Variants in CDH13 observed in about 807,000 individuals in gnomAD.
CDH13 encodes the protein cadherin 13.
In CDH13, 24 loss-of-function variants were observed where a neutral mutation model predicts 63.8. That is an observed-to-expected ratio of 0.38 (90% CI 0.27 to 0.53). The LOEUF is 0.53. Ranked by LOEUF, CDH13 falls within the 20% of genes least tolerant of loss-of-function variation. The pLI is 0.85. For synonymous variants in CDH13, 503 were observed against 355.3 expected, an observed-to-expected ratio of 1.42 and a Z score of -4.67; for missense variants, 1,049 against 903.1, an observed-to-expected ratio of 1.16 and a Z score of -2.07.
At chr16:83,701,639 T>C (rs766048117) in intron 10 of CDH13, among the ~76,000 whole-genome samples, 9 of 152,186 alleles carry the variant, frequency 5.9e-5, no homozygotes, top group Admixed American at 2.0e-4. Flanking sequence ...TGCTAGGGTT[T>C]CTACCCTGAC....
intron 6 of CDH13, among the ~76,000 whole-genome samples, chr16:83,380,675 G>A (rs983841602): frequency 2.0e-5 from 3 of 152,088 alleles, no homozygotes; most frequent in Non-Finnish European, 2.9e-5. Flanking sequence ...GTGGCTGATT[G>A]GAGCTCCAGC....
chr16:83,605,612 C>T (rs1908254393), intron 8 of CDH13, among the ~76,000 whole-genome samples: 1 of 152,080 alleles, frequency 6.6e-6, no homozygotes, highest in African/African-American at 2.4e-5. Flanking sequence ...GTGCCTGTCG[C>T]CCAGTATTTT....
chr16:83,778,303 G>A (rs1347423914), intron 11 of CDH13, among the ~76,000 whole-genome samples: 1 of 152,224 alleles, frequency 6.6e-6, no homozygotes, highest in Non-Finnish European at 1.5e-5. Flanking sequence ...GCCGAGGCAG[G>A]TGGATCACTT....
intron 4 of CDH13, among the ~76,000 whole-genome samples, chr16:83,154,716 G>C (rs1213488465): frequency 6.6e-6 from 1 of 152,108 alleles, no homozygotes; most frequent in Non-Finnish European, 1.5e-5. Context: ...AAATTAATTA[G>C]ACACAGACCC....
At chr16:83,587,324 A>C (rs1251617674) in intron 7 of CDH13, among the ~76,000 whole-genome samples, 1 of 152,184 alleles carries the variant, frequency 6.6e-6, no homozygotes, top group Non-Finnish European at 1.5e-5. Flanking sequence ...TTAACATGCA[A>C]AGGACTGATA....
chr16:82,737,704 A>G (rs1285596239), intron 1 of CDH13, among the ~76,000 whole-genome samples: 2 of 152,216 alleles, frequency 1.3e-5, no homozygotes, highest in African/African-American at 2.4e-5. Flanking sequence ...CCTTAGTTCT[A>G]TAGAGGACAC....
At chr16:82,711,371 G>A (rs574040435) in intron 1 of CDH13, among the ~76,000 whole-genome samples, 12 of 152,288 alleles carry the variant, frequency 7.9e-5, no homozygotes, top group African/African-American at 2.9e-4. Context: ...CAGAGGTCTA[G>A]CATTGAGCGG....
chr16:83,027,452 A>G (rs555348748), intron 2 of CDH13, among the ~76,000 whole-genome samples: 42 of 152,326 alleles, frequency 2.8e-4, no homozygotes, highest in African/African-American at 9.4e-4. Context: ...TGCCTTCTGC[A>G]GAGAGGGAGC....
intron 3 of CDH13, among the ~76,000 whole-genome samples, chr16:83,046,885 A>G (rs1917837252): frequency 6.6e-6 from 1 of 152,162 alleles, no homozygotes; most frequent in Non-Finnish European, 1.5e-5. Flanking sequence ...GTCTTCTGCC[A>G]ATCAGAGAAG....
rs971476830 is a variant in CDH13 at position 83,028,057 on chromosome 16, C to T, written c.158-3953C>T. The stretch of plus-strand genomic sequence containing the variant: ...GGAATCCAGAACCCCCACAAACTTT[C>T]ATATGCCTTTTCCTCTACCCCATTC... On this transcript the variant is annotated intron_variant, in intron 2 of 13. Transcript: ENST00000567109. Among the ~76,000 whole-genome samples, 16 of 152,164 alleles carry T rather than the reference C, an allele frequency of 1.1e-4. 1 individual carries two copies. The highest frequency in any genetic ancestry group is 2.4e-4 in the Non-Finnish European group (16 of 68,030).
At chr16:83,392,254 T>C (rs555584581) in intron 6 of CDH13, among the ~76,000 whole-genome samples, 1 of 152,316 alleles carries the variant, frequency 6.6e-6, no homozygotes, top group South Asian at 2.1e-4. Flanking sequence ...ATCTGTGATA[T>C]GGGTGCATGG....
intron 3 of CDH13, among the ~76,000 whole-genome samples, chr16:83,075,137 T>G (rs1285965699): frequency 1.3e-5 from 2 of 152,198 alleles, no homozygotes; most frequent in African/African-American, 4.8e-5. Flanking sequence ...CCAGTAGGAT[T>G]GAGCTCCAGT....
At chr16:83,598,360 G>A (rs1216740821) in intron 7 of CDH13, among the ~76,000 whole-genome samples, 1 of 152,084 alleles carries the variant, frequency 6.6e-6, no homozygotes, top group South Asian at 2.1e-4. Flanking sequence ...GTGAGACCCT[G>A]TCTCAAAATA....
chr16:83,686,758 C>A (rs1367911409), intron 10 of CDH13, among the ~76,000 whole-genome samples: 1 of 151,970 alleles, frequency 6.6e-6, no homozygotes, highest in Non-Finnish European at 1.5e-5. Context: ...GGTGAGGCCA[C>A]CAAAGACAGA....
chr16:82,743,146 G>C (rs1386045126), intron 1 of CDH13, among the ~76,000 whole-genome samples: 3 of 152,150 alleles, frequency 2.0e-5, no homozygotes, highest in Non-Finnish European at 2.9e-5. Flanking sequence ...TAAAAATGTA[G>C]AACAATACTT....
intron 4 of CDH13, among the ~76,000 whole-genome samples, chr16:83,165,637 G>C (rs1478175103): frequency 6.6e-6 from 1 of 152,028 alleles, no homozygotes; most frequent in South Asian, 2.1e-4. Flanking sequence ...CAGCAGAGAA[G>C]GGGAGGAAGG....
intron 6 of CDH13, among the ~76,000 whole-genome samples, chr16:83,410,904 T>G (rs1054009417): frequency 6.6e-6 from 1 of 152,214 alleles, no homozygotes; most frequent in Admixed American, 6.5e-5. Context: ...ACATCAAGAC[T>G]GAAGCCACCA....
In CDH13 at chr16:83,305,096, C is replaced by G. The variant is rs1044975338; in HGVS notation, c.637-39766C>G. On this transcript the variant is annotated intron_variant, in intron 5 of 13. Transcript: ENST00000567109. ...CCAGGTGAGAGTTCTAAGGGGCTGTCCTGGGGGGACTCTCCTGCTCTGAAG... is the reference window on the plus strand; with the variant it reads ...CCAGGTGAGAGTTCTAAGGGGCTGTGCTGGGGGGACTCTCCTGCTCTGAAG... Among the ~76,000 whole-genome samples the G allele has an allele frequency of 6.1e-4, 93 of 152,214 alleles. 1 individual carries two copies. Among genetic ancestry groups the G allele is most frequent in the Non-Finnish European group, 9.7e-4 (66 of 68,014 alleles).
intron 2 of CDH13, among the ~76,000 whole-genome samples, chr16:82,967,098 G>C (rs1353061855): frequency 6.6e-6 from 1 of 152,070 alleles, no homozygotes; most frequent in Non-Finnish European, 1.5e-5. Flanking sequence ...GAAGATTATA[G>C]GTTGGTTAGT....
Sources: allele counts gnomAD v4.1 joint callset (sites outside exome capture counted in the v4.1 genomes callset), GRCh38; gene constraint gnomAD v4.1.1; transcripts MANE v1.5; gene names NCBI Gene and HGNC (gene_info 2026-07-23, HGNC 2026-07-21).